CCDC125: variants seen among roughly 807,000 people sequenced by gnomAD.
CCDC125 encodes coiled-coil domain-containing protein 125.
CCDC125 carries 43 observed loss-of-function variants against 57.4 expected under a neutral mutation model. The observed-to-expected ratio is 0.75, with a 90% CI of 0.59 to 0.97. The LOEUF (loss-of-function observed/expected upper bound fraction) is 0.97. Ranked by LOEUF, CCDC125 falls within the 50% of genes least tolerant of loss-of-function variation. CCDC125 has a pLI of 0.00. For synonymous variants in CCDC125, 187 were observed against 195.2 expected (o/e 0.96, Z 0.35); for missense variants, 563 against 595.7 (o/e 0.95, Z 0.57).
chr5:69,286,929 A>G (rs910369493), intron 10 of CCDC125, among the ~76,000 whole-genome samples: 3 of 151,792 alleles, frequency 2.0e-5, no homozygotes, highest in Admixed American at 6.6e-5. Context: ...CTAAAAAAAG[A>G]AATAGCTTGG....
At chr5:69,311,451 G>A (rs991488959) in intron 3 of CCDC125, among the ~76,000 whole-genome samples, 8 of 152,068 alleles carry the variant, frequency 5.3e-5, no homozygotes, top group African/African-American at 1.4e-4. Flanking sequence ...AGGAGTTCAC[G>A]ACCAGCCTGG....
intron 8 of CCDC125, among the ~76,000 whole-genome samples, chr5:69,298,559 C>T (rs1431657798): frequency 6.6e-6 from 1 of 152,144 alleles, no homozygotes; most frequent in Non-Finnish European, 1.5e-5. Context: ...TCTCCCATGC[C>T]TAGGTTGCCA....
downstream of CCDC125, among the ~76,000 whole-genome samples, chr5:69,275,179 G>A (rs992234957): frequency 2.0e-5 from 3 of 151,908 alleles, no homozygotes; most frequent in Non-Finnish European, 2.9e-5. Context: ...CAGCACTATA[G>A]TAGGGGGAAA....
intron 10 of CCDC125, among the ~76,000 whole-genome samples, chr5:69,291,799 TA>T (rs1754507669): frequency 3.9e-5 from 6 of 152,362 alleles, no homozygotes. Context: ...TACATTTCAA[TA>T]AAGTTTAATT....
intron 6 of CCDC125, among the ~76,000 whole-genome samples, chr5:69,304,264 T>C (rs765781236): frequency 4.6e-5 from 7 of 150,666 alleles, no homozygotes; most frequent in Non-Finnish European, 5.9e-5. Context: ...GCCACCACAC[T>C]TGGCTAATTT....
chr5:69,299,059 C>G (rs1755884948), intron 8 of CCDC125, among the ~76,000 whole-genome samples: 1 of 151,806 alleles, frequency 6.6e-6, no homozygotes, highest in South Asian at 2.1e-4. Context: ...TTGCTCAGGA[C>G]TATGCAGGTA....
chr5:69,303,520 A>C (rs1336880130), intron 7 of CCDC125, among the ~76,000 whole-genome samples: 1 of 151,012 alleles, frequency 6.6e-6, no homozygotes, highest in Non-Finnish European at 1.5e-5. Flanking sequence ...GCGCACCACC[A>C]TGTCTCGCTA....
chr5:69,274,639 G>A, the CCDC125 span, among the ~76,000 whole-genome samples: 6 of 152,000 alleles, frequency 3.9e-5, no homozygotes, highest in Admixed American at 2.0e-4. Context: ...TTTTTGAGAC[G>A]AAGTCTTGCT....
chr5:69,273,492 ACAT>A, the CCDC125 span, among the ~76,000 whole-genome samples: 1 of 152,176 alleles, frequency 6.6e-6, no homozygotes, highest in Non-Finnish European at 1.5e-5. Flanking sequence ...GATCATTCTC[ACAT>A]TGAGAACATG....
At chr5:69,328,995 G>C (rs1032044176) in intron 1 of CCDC125, among the ~76,000 whole-genome samples, 1 of 150,698 alleles carries the variant, frequency 6.6e-6, no homozygotes, top group Non-Finnish European at 1.5e-5. Flanking sequence ...GAGTTTCACC[G>C]TGTTAAGCAG....
At chr5:69,317,462 G>A (rs1759301650) in intron 2 of CCDC125, among the ~76,000 whole-genome samples, 1 of 152,102 alleles carries the variant, frequency 6.6e-6, no homozygotes. Context: ...GAAGGATGGG[G>A]ATGAACCCTG....
At chr5:69,295,985 G>A (rs548836080) in intron 8 of CCDC125, among the ~76,000 whole-genome samples, 34 of 151,062 alleles carry the variant, frequency 2.3e-4, no homozygotes, top group Middle Eastern at 3.4e-3. Context: ...CTGGGTTCAC[G>A]CCATTGTCCT....
At chr5:69,286,187 A>AAT (rs1561402049) in intron 10 of CCDC125, among the ~76,000 whole-genome samples, 51 of 53,926 alleles carry the variant, frequency 9.5e-4, no homozygotes, top group South Asian at 4.3e-3. Flanking sequence ...CAAATGGTAA[A>AAT]CTATATATAT....
chr5:69,301,916 T>C (rs921833998), intron 7 of CCDC125, among the ~76,000 whole-genome samples: 1 of 148,704 alleles, frequency 6.7e-6, no homozygotes, highest in African/African-American at 2.5e-5. Context: ...ATAATAATAA[T>C]AATAATATAT....
chr5:69,285,274 C>T (rs1224130487), intron 11 of CCDC125, 63 bp downstream of exon 11: 10 of 1,575,334 alleles, frequency 6.3e-6, no homozygotes, highest in South Asian at 2.3e-5. Flanking sequence ...ATGCTCCCCA[C>T]GGACCGTGGG....
downstream of CCDC125, among the ~76,000 whole-genome samples, chr5:69,277,638 T>A (rs1263444982): frequency 6.6e-6 from 1 of 151,730 alleles, no homozygotes; most frequent in East Asian, 1.9e-4. Flanking sequence ...GGCGTGGTGG[T>A]GGGCGCCTGT....
intron 8 of CCDC125, among the ~76,000 whole-genome samples, chr5:69,295,587 C>A (rs1475441408): frequency 6.6e-6 from 1 of 152,186 alleles, no homozygotes; most frequent in East Asian, 1.9e-4. Context: ...AGAGACCAGA[C>A]CTTTCTGCTT....
chr5:69,286,188 CTATATATATAT>C (rs1753334065), intron 10 of CCDC125, among the ~76,000 whole-genome samples: 2 of 51,332 alleles, frequency 3.9e-5, no homozygotes, highest in African/African-American at 1.6e-4. Context: ...AAATGGTAAA[CTATATATATAT>C]ATATATATAT....
chr5:69,313,920 G>A lies in CCDC125; in HGVS notation c.366+65C>T, dbSNP rs1758575240. On this transcript the variant is annotated intron_variant, in intron 3 of 11. Transcript: ENST00000396496. Reference sequence around the variant, plus strand: ...GGGCATGGAGAGCTGCAGAAGACGAGAGCACTGCAGCCGCTGCTGGGACCC... The same window carrying A: ...GGGCATGGAGAGCTGCAGAAGACGAAAGCACTGCAGCCGCTGCTGGGACCC... 4.3e-6 allele frequency: 5 copies of A among 1,163,560 alleles called. 1 individual carries two copies. In the East Asian group the frequency reaches 1.2e-4, roughly 27 times the overall value. The allele number at this position is 1,163,560 out of a possible 1,614,324, so 72.1% of individuals were successfully genotyped here.
Sources: gnomAD v4.1 joint callset for allele counts (sites outside exome capture counted in the v4.1 genomes callset) on GRCh38, gnomAD v4.1.1 for gene constraint, MANE v1.5 for transcripts, NCBI Gene and HGNC (gene_info 2026-07-23, HGNC 2026-07-21) for gene names.